ACBD4: variants seen among roughly 807,000 people sequenced by gnomAD.
The protein encoded by ACBD4 is acyl-CoA-binding domain-containing protein 4.
A neutral mutation model predicts 46.0 loss-of-function variants in ACBD4; 41 were observed. The ratio of observed to expected loss-of-function variants is 0.89; its 90% confidence interval spans 0.69 to 1.16. ACBD4 has a LOEUF of 1.16. ACBD4 is among the 50% of genes most tolerant of loss of function. The pLI is 0.00. For synonymous variants in ACBD4, 162 were observed against 155.9 expected (o/e 1.04, Z -0.29); for missense variants, 393 against 399.5 (o/e 0.98, Z 0.14).
In ACBD4 at chr17:45,137,746, C is replaced by T. The variant is rs928611382; in HGVS notation, c.503-14C>T. 20 of 1,613,782 alleles carry T rather than the reference C, an allele frequency of 1.2e-5. No homozygotes were observed. The highest frequency in any genetic ancestry group is 1.6e-5 in the Non-Finnish European group (19 of 1,179,918). On this transcript the variant is annotated splice_polypyrimidine_tract_variant and intron_variant, in intron 6 of 9. Coordinates refer to ENST00000321854, the MANE Select transcript of ACBD4 (RefSeq NM_001135705.3). ...GCTTCCCTCTGGGCAGTAACTCTAC[C>T]AACCCCTCCACAGAGTCCCATTCAC...
chr17:45,131,941 C>G (rs1362500948), upstream of ACBD4, among the ~76,000 whole-genome samples: 1 of 152,198 alleles, frequency 6.6e-6, no homozygotes, highest in African/African-American at 2.4e-5. Flanking sequence ...ACACCCCAAG[C>G]CTCCCTCTCC....
intron 5 of ACBD4, 91 bp from the exon 6 acceptor site, chr17:45,137,277 G>C: frequency 6.3e-7 from 1 of 1,595,698 alleles, no homozygotes; most frequent in Non-Finnish European, 8.6e-7. Context: ...ATCCCAGGCA[G>C]CATCCACGGC....
intron 9 of ACBD4, among the ~76,000 whole-genome samples, chr17:45,141,435 C>A (rs2055267422): frequency 6.6e-6 from 1 of 152,194 alleles, no homozygotes; most frequent in Admixed American, 6.5e-5. Flanking sequence ...CGCCTGTAAT[C>A]CCAGCACTTT....
chr17:45,134,604 G>A (rs1381545314), upstream of ACBD4, among the ~76,000 whole-genome samples: 2 of 152,094 alleles, frequency 1.3e-5, no homozygotes, highest in South Asian at 2.1e-4. Context: ...GTGAAACCCC[G>A]TCTCTACTAA....
At position 45,143,585 on chromosome 17, in the gene ACBD4, G is replaced by C. The variant is rs768753556; in HGVS notation, c.*14G>C. 1 of 1,614,020 alleles carries C rather than the reference G, an allele frequency of 6.2e-7. No homozygotes were observed. Among genetic ancestry groups the C allele is most frequent in the Non-Finnish European group, 8.5e-7 (1 of 1,180,000 alleles). ...CAAAAGAGGTGACTGTCAGTGGAGG[G>C]GTCTCTGCAGCCAACTGAGACTATC... On this transcript the variant is annotated 3_prime_UTR_variant, in exon 10 of 10. Coordinates refer to ENST00000321854, the MANE Select transcript of ACBD4 (RefSeq NM_001135705.3).
chr17:45,135,661 T>C (rs2054765180), upstream of ACBD4: 1 of 156,704 alleles, frequency 6.4e-6, no homozygotes, highest in East Asian at 1.9e-4. Flanking sequence ...TGCGTCGCCA[T>C]CCCGGCCCTG....
At position 45,136,364 on chromosome 17, in the gene ACBD4, C is replaced by T. The variant is rs559175008; in HGVS notation, c.88+132C>T. Reference sequence around the variant, plus strand: ...CCTGGGCTGTCCTGGGGGTTCCCTCCGCTTCCTATCCTAGTCCAGATGCCC... The same window carrying T: ...CCTGGGCTGTCCTGGGGGTTCCCTCTGCTTCCTATCCTAGTCCAGATGCCC... On this transcript the variant is annotated intron_variant, in intron 2 of 9. Transcript: ENST00000321854. 1.5e-4 allele frequency: 214 copies of T among 1,461,770 alleles called. No homozygotes were observed. In the African/African-American group the frequency reaches 2.2e-3, roughly 15 times the overall value. The allele number at this position is 1,461,770 out of a possible 1,614,324, so 90.5% of individuals were successfully genotyped here.
intron 9 of ACBD4, among the ~76,000 whole-genome samples, chr17:45,142,424 GAAAGAAAGAA>G (rs1224733129): frequency 7.8e-5 from 8 of 103,154 alleles, no homozygotes; most frequent in South Asian, 6.6e-4. Context: ...AAAAAAGAAA[GAAAGAAAGAA>G]AAAGAAAGAA....
intron 6 of ACBD4, 86 bp from the exon 7 acceptor site, chr17:45,137,674 C>T (rs2054949855): frequency 1.3e-6 from 2 of 1,503,706 alleles, no homozygotes; most frequent in Non-Finnish European, 1.9e-6. Flanking sequence ...CTAGTGTCTC[C>T]TAAACAGGTG....
In ACBD4 at chr17:45,143,429, C is replaced by A; in HGVS notation, c.790-14C>A. 1.3e-6 allele frequency: 2 copies of A among 1,598,198 alleles called. No homozygotes were observed. Among genetic ancestry groups the A allele is most frequent in the Non-Finnish European group, 8.5e-7 (1 of 1,175,386 alleles). Reference sequence around the variant, plus strand: ...GCCTGGACTGGCCTCTGACTCCCTCCCTCTTGGCTGCAGAGGCCGCAGCCC... The same window carrying A: ...GCCTGGACTGGCCTCTGACTCCCTCACTCTTGGCTGCAGAGGCCGCAGCCC... On this transcript the variant is annotated splice_polypyrimidine_tract_variant and intron_variant, in intron 9 of 9. Transcript: ENST00000321854.
At chr17:45,137,475 G>A in intron 6 of ACBD4, 21 bp downstream of exon 6, 1 of 1,613,588 alleles carries the variant, frequency 6.2e-7, no homozygotes, top group Non-Finnish European at 8.5e-7. Context: ...GAGCAGGAGG[G>A]GTGGACCAAA....
Position 45,136,663 on chromosome 17 carries a change from GCAGCCCTCTCA to G in ACBD4, c.210-19_210-9del. ...TGGGCAGACAAGCCTCAGCTGTCAAGCAGCCCTCTCACAGCCCTCTGCCCCCAGGGACGCCT... is the reference window on the plus strand; with the variant it reads ...TGGGCAGACAAGCCTCAGCTGTCAAGCAGCCCTCTGCCCCCAGGGACGCCT... On this transcript the variant is annotated intron_variant, in intron 3 of 9. Transcript: ENST00000321854. 1 of 1,614,048 alleles carries G rather than the reference GCAGCCCTCTCA, an allele frequency of 6.2e-7. No homozygotes were observed. The highest frequency in any genetic ancestry group is 8.5e-7 in the Non-Finnish European group (1 of 1,179,984).
chr17:45,138,816 G>C (rs1194340217), intron 8 of ACBD4, among the ~76,000 whole-genome samples: 1 of 151,534 alleles, frequency 6.6e-6, no homozygotes, highest in African/African-American at 2.4e-5. Context: ...GTAATGACTT[G>C]ATCTGTGTCA....
chr17:45,136,175 G>A lies in ACBD4; in HGVS notation c.31G>A (p.Asp11Asn). 2 of 1,613,670 alleles carry A rather than the reference G, an allele frequency of 1.2e-6. No homozygotes were observed. The highest frequency in any genetic ancestry group is 1.7e-6 in the Non-Finnish European group (2 of 1,179,856). MGTEKESPEP[D>N]CQKQFQAAVS... ...CACCGAGAAAGAAAGCCCAGAGCCC[G>A]ACTGCCAGAAACAGTTCCAGGCTGC... Residue 11 changes from aspartate to asparagine, a missense_variant, in exon 2 of 10, where the codon GAC becomes AAC. Transcript: ENST00000321854.
chr17:45,135,992 C>T (rs2054797461), intron 1 of ACBD4, 39 bp downstream of exon 1: 2 of 703,778 alleles, frequency 2.8e-6, no homozygotes, highest in Admixed American at 5.7e-5. Flanking sequence ...CTTCTGACCT[C>T]CCAGGGTGTC....
chr17:45,137,245 C>G (rs1325730377), intron 5 of ACBD4, 106 bp downstream of exon 5: 47 of 1,593,608 alleles, frequency 2.9e-5, no homozygotes, highest in Non-Finnish European at 4.0e-5. Flanking sequence ...CCTGTTAGGG[C>G]CCCCAAGCCC....
chr17:45,140,171 T>G (rs1335124337), intron 9 of ACBD4, among the ~76,000 whole-genome samples: 1 of 111,514 alleles, frequency 9.0e-6, no homozygotes, highest in African/African-American at 3.7e-5. Context: ...TTTCTTCTGT[T>G]TTTTTTTTTT....
rs576797556 is a variant in ACBD4 at position 45,135,936 on chromosome 17, C to T, written c.-55C>T. On this transcript the variant is annotated 5_prime_UTR_variant, in exon 1 of 10. Coordinates refer to ENST00000321854, the MANE Select transcript of ACBD4 (RefSeq NM_001135705.3). ...GCCTCGCCACCTGGCGACCCTGACC[C>T]CACCACACTGCCTTGAGGTAGGAAA... The T allele has an allele frequency of 9.3e-5, 53 of 570,186 alleles. No individual in the cohort carries two copies. In the African/African-American group the frequency reaches 9.6e-4, roughly 10 times the overall value. The allele number at this position is 570,186 out of a possible 1,614,324, so 35.3% of individuals were successfully genotyped here. A position where few individuals can be genotyped will look rare whatever the true frequency, so the allele number is the denominator to read the frequency against.
Position 45,143,716 on chromosome 17 carries a change from C to G in ACBD4, c.*145C>G. On this transcript the variant is annotated 3_prime_UTR_variant, in exon 10 of 10. Coordinates refer to ENST00000321854, the MANE Select transcript of ACBD4 (RefSeq NM_001135705.3). ...TCCTCCCCTAAAGCAGCGCGGGGGG[C>G]AAATAAGACCCCACCCCTCCCTGCA... 1 of 1,344,164 alleles carries G rather than the reference C, an allele frequency of 7.4e-7. No homozygotes were observed. Among genetic ancestry groups the G allele is most frequent in the Non-Finnish European group, 1.0e-6 (1 of 971,942 alleles). 83.3% of individuals were successfully genotyped at this position (1,344,164 alleles called of 1,614,324 possible).
Sources: allele counts gnomAD v4.1 joint callset (sites outside exome capture counted in the v4.1 genomes callset), GRCh38; gene constraint gnomAD v4.1.1; transcripts MANE v1.5; gene names NCBI Gene and HGNC (gene_info 2026-07-23, HGNC 2026-07-21).